The following GLCE variants were observed in gnomAD, a reference collection of about 807,000 sequenced individuals.
GLCE encodes glucuronic acid epimerase, also known as D-glucuronyl C5-epimerase.
A neutral mutation model predicts 47.9 loss-of-function variants in GLCE; 19 were observed. That is an observed-to-expected ratio of 0.40 (90% CI 0.28 to 0.58). GLCE has a LOEUF of 0.58. Among genes scored for constraint, GLCE ranks in the 20% least tolerant of loss-of-function variants. GLCE has a pLI of 0.48. For missense variants in GLCE, 556 were observed against 743.3 expected, an observed-to-expected ratio of 0.75 and a Z score of 2.93; for synonymous variants, 245 against 263.4, an observed-to-expected ratio of 0.93 and a Z score of 0.68.
intron 2 of GLCE, among the ~76,000 whole-genome samples, chr15:69,231,216 T>C (rs1393178066): frequency 6.6e-6 from 1 of 152,058 alleles, no homozygotes; most frequent in African/African-American, 2.4e-5. Flanking sequence ...AGACAAAATA[T>C]CTAATTTTAC....
chr15:69,177,695 TTTAC>T (rs2051689952), intron 1 of GLCE, among the ~76,000 whole-genome samples: 1 of 137,922 alleles, frequency 7.3e-6, no homozygotes, highest in South Asian at 2.3e-4. Flanking sequence ...CTTTATCATC[TTTAC>T]TTCATGCCGC....
chr15:69,207,045 ACTTTC>A (rs1239483613), intron 1 of GLCE, among the ~76,000 whole-genome samples: 1 of 151,960 alleles, frequency 6.6e-6, no homozygotes, highest in Non-Finnish European at 1.5e-5. Flanking sequence ...CTTATCTGTA[ACTTTC>A]CTTTCTAACA....
In GLCE at chr15:69,256,070, T is replaced by G; in HGVS notation, c.264T>G (p.Val88=). The G allele has an allele frequency of 6.2e-7, 1 of 1,614,046 alleles. No homozygotes were observed. Among genetic ancestry groups the G allele is most frequent in the Non-Finnish European group, 8.5e-7 (1 of 1,179,968 alleles). The change falls in exon 3 of 5, where the codon GTT becomes GTG. Residue 88 remains valine, a synonymous_variant. Coordinates refer to ENST00000261858, the MANE Select transcript of GLCE (RefSeq NM_015554.3). ...PQEQQKAPPV[V]GGFNSNVGSK... ...AACAGCAGAAAGCACCCCCTGTTGTTGGGGGCTTCAATAGCAATGTGGGAA... is the reference window on the plus strand; with the variant it reads ...AACAGCAGAAAGCACCCCCTGTTGTGGGGGGCTTCAATAGCAATGTGGGAA...
At chr15:69,223,354 T>C (rs538898564) in intron 2 of GLCE, among the ~76,000 whole-genome samples, 1 of 152,166 alleles carries the variant, frequency 6.6e-6, no homozygotes, top group South Asian at 2.1e-4. Context: ...GATTTTTTTG[T>C]TTGTTTGTTT....
intron 3 of GLCE, 107 bp downstream of exon 3, chr15:69,256,499 T>C: frequency 1.3e-6 from 1 of 784,488 alleles, no homozygotes; most frequent in Non-Finnish European, 2.1e-6. Flanking sequence ...TCAAAAGACC[T>C]TTCATCACTC....
intron 1 of GLCE, among the ~76,000 whole-genome samples, chr15:69,185,417 G>A (rs2051807847): frequency 6.6e-6 from 1 of 152,034 alleles, no homozygotes; most frequent in Admixed American, 6.6e-5. Context: ...CTTTCTCTCT[G>A]TCAAAAGTTG....
At chr15:69,264,929 T>G (rs1247087183) in intron 4 of GLCE, among the ~76,000 whole-genome samples, 2 of 152,204 alleles carry the variant, frequency 1.3e-5, no homozygotes, top group Non-Finnish European at 2.9e-5. Context: ...AGATTTTGGA[T>G]ATTAACCTCT....
chr15:69,163,425 GT>G (rs1401375731), intron 1 of GLCE, among the ~76,000 whole-genome samples: 1 of 152,160 alleles, frequency 6.6e-6, no homozygotes, highest in Non-Finnish European at 1.5e-5. Flanking sequence ...AATACACAAG[GT>G]ACTTAAGATT....
At chr15:69,193,443 T>C (rs1292340348) in intron 1 of GLCE, among the ~76,000 whole-genome samples, 1 of 152,162 alleles carries the variant, frequency 6.6e-6, no homozygotes, top group African/African-American at 2.4e-5. Context: ...TTCCCTTTTC[T>C]GAAGCAACTT....
intron 1 of GLCE, among the ~76,000 whole-genome samples, chr15:69,205,157 T>A (rs1008178932): frequency 1.3e-5 from 2 of 152,092 alleles, no homozygotes; most frequent in African/African-American, 4.8e-5. Flanking sequence ...TGTGTAGTTG[T>A]GCTCCCCCCC....
chr15:69,255,739 T>C (rs2052911568), intron 2 of GLCE, 55 bp from the exon 3 acceptor site: 1 of 980,576 alleles, frequency 1.0e-6, no homozygotes, highest in Admixed American at 2.2e-5. Flanking sequence ...AACTTTATCC[T>C]ATGAAATGCC....
chr15:69,187,866 C>T (rs556476763), intron 1 of GLCE, among the ~76,000 whole-genome samples: 4 of 152,180 alleles, frequency 2.6e-5, no homozygotes, highest in African/African-American at 9.6e-5. Context: ...AGTTCGAGAC[C>T]AGCTTGGCCA....
At chr15:69,246,926 G>C (rs1015108971) in intron 2 of GLCE, among the ~76,000 whole-genome samples, 1 of 152,148 alleles carries the variant, frequency 6.6e-6, no homozygotes, top group Non-Finnish European at 1.5e-5. Flanking sequence ...GTGGGCTTCA[G>C]ATATTCAGTA....
At chr15:69,237,069 C>T (rs886794278) in intron 2 of GLCE, among the ~76,000 whole-genome samples, 1 of 152,066 alleles carries the variant, frequency 6.6e-6, no homozygotes, top group Admixed American at 6.6e-5. Flanking sequence ...TATGCAGTGT[C>T]TGAAGGCTGT....
chr15:69,220,420 A>T (rs1180555999), intron 2 of GLCE, among the ~76,000 whole-genome samples: 1 of 152,154 alleles, frequency 6.6e-6, no homozygotes, highest in South Asian at 2.1e-4. Flanking sequence ...ACACTGCACA[A>T]GAGTTCCATT....
chr15:69,264,360 GTA>G (rs764214909), intron 4 of GLCE, among the ~76,000 whole-genome samples: 5 of 151,916 alleles, frequency 3.3e-5, no homozygotes, highest in Non-Finnish European at 5.9e-5. Context: ...TATTCTATAG[GTA>G]TGTGTGTGTG....
intron 2 of GLCE, among the ~76,000 whole-genome samples, chr15:69,238,243 C>G (rs2052618650): frequency 6.6e-6 from 1 of 152,096 alleles, no homozygotes; most frequent in South Asian, 2.1e-4. Flanking sequence ...GTAAATCTTT[C>G]TGCTCTTATC....
chr15:69,171,676 G>T (rs1299970882), intron 1 of GLCE, among the ~76,000 whole-genome samples: 1 of 152,126 alleles, frequency 6.6e-6, no homozygotes, highest in African/African-American at 2.4e-5. Flanking sequence ...GATTACAGGC[G>T]TGAGCCACCG....
intron 2 of GLCE, among the ~76,000 whole-genome samples, chr15:69,221,752 A>G (rs956706267): frequency 4.6e-5 from 7 of 151,192 alleles, no homozygotes; most frequent in African/African-American, 1.7e-4. Flanking sequence ...AATCCCAGCT[A>G]CTTGGGAGGC....
Sources: allele counts gnomAD v4.1 joint callset (sites outside exome capture counted in the v4.1 genomes callset), GRCh38; gene constraint gnomAD v4.1.1; transcripts MANE v1.5; gene names NCBI Gene and HGNC (gene_info 2026-07-23, HGNC 2026-07-21).